Variants in RSPH6A observed in about 807,000 individuals in gnomAD.
RSPH6A encodes radial spoke head 6 homolog A.
In RSPH6A, 49 loss-of-function variants were observed where a neutral mutation model predicts 66.1. That is an observed-to-expected ratio of 0.74 (90% confidence interval 0.59 to 0.94). The LOEUF (loss-of-function observed/expected upper bound fraction) is 0.94. RSPH6A is among the 40% of genes least tolerant of loss of function. The pLI is 0.00. For synonymous variants in RSPH6A, 419 were observed against 402.4 expected (o/e 1.04, Z -0.49); for missense variants, 977 against 948.3 (o/e 1.03, Z -0.40).
Position 45,804,539 on chromosome 19 carries a change from T to G in RSPH6A, c.1366A>C (p.Lys456Gln), listed in dbSNP as rs1054488241. The G allele has an allele frequency of 1.2e-6, 2 of 1,614,072 alleles. No individual in the cohort carries two copies. The highest frequency in any genetic ancestry group is 2.7e-5 in the African/African-American group (2 of 74,934). Residue 456 changes from lysine to glutamine, a missense_variant, in exon 3 of 6, where the codon AAG (lysine) becomes CAG (glutamine). Lys to Gln is a moderately conservative substitution (Grantham distance 53). Transcript: ENST00000221538. This position sits in a 1 kb window ranked among gnomAD's most constrained non-coding sequence, Gnocchi z 5.8. ...PAQIVNARKI[K>Q]KFFTGYLDTP... ...TCCAGGTAGCCTGTGAAGAACTTCTTGATCTTTCGGGCGTTCACGATCTGG... is the reference window on the plus strand; with the variant it reads ...TCCAGGTAGCCTGTGAAGAACTTCTGGATCTTTCGGGCGTTCACGATCTGG...
chr19:45,810,932 G>A (rs956099961), intron 1 of RSPH6A, 92 bp from the exon 2 acceptor site: 39 of 1,008,156 alleles, frequency 3.9e-5, no homozygotes, highest in Non-Finnish European at 5.0e-5. Flanking sequence ...GCCTGGTGCT[G>A]GGGACACAGT....
chr19:45,804,646 C>T lies in RSPH6A; in HGVS notation c.1259G>A (p.Arg420His), dbSNP rs1187445150. The T allele has an allele frequency of 2.5e-6, 4 of 1,614,080 alleles. No homozygotes were observed. Among genetic ancestry groups the T allele is most frequent in the Middle Eastern group, 1.6e-4 (1 of 6,062 alleles). ...GTACAGGTACTTGTTGGCGCCTGAG[C>T]GGCTCTCCTCCTTGGGGATCACGGG... ...PPPVIPKEES[R>H]SGANKYLYFV... Residue 420 changes from arginine to histidine, a missense_variant, in exon 3 of 6, where the codon CGC (arginine) becomes CAC (histidine). Arg to His is a conservative substitution (Grantham distance 29). Coordinates refer to ENST00000221538, the MANE Select transcript of RSPH6A (RefSeq NM_030785.4). The surrounding 1 kb of genome is among the most constrained non-coding windows in gnomAD (Gnocchi z 5.8).
chr19:45,810,291 C>T (rs564836151), intron 2 of RSPH6A, among the ~76,000 whole-genome samples: 60 of 152,096 alleles, frequency 3.9e-4, no homozygotes, highest in African/African-American at 1.4e-3. Context: ...CTGCCTCAGC[C>T]TCCGGAGTAG....
chr19:45,813,243 T>C (rs1161807419), intron 1 of RSPH6A, among the ~76,000 whole-genome samples: 1 of 152,140 alleles, frequency 6.6e-6, no homozygotes, highest in African/African-American at 2.4e-5. Context: ...CAGTGTGCTC[T>C]GCCTGGCTCA....
At chr19:45,810,238 C>T (rs1456799430) in intron 2 of RSPH6A, among the ~76,000 whole-genome samples, 2 of 35,036 alleles carry the variant, frequency 5.7e-5, no homozygotes, top group East Asian at 1.1e-3. Flanking sequence ...GGTGTGATCT[C>T]GGCTCACTGC....
In RSPH6A at chr19:45,804,188, T is replaced by C; in HGVS notation, c.1653+64A>G. On this transcript the variant is annotated intron_variant, in intron 3 of 5. Coordinates refer to ENST00000221538, the MANE Select transcript of RSPH6A (RefSeq NM_030785.4). This position sits in a 1 kb window ranked among gnomAD's most constrained non-coding sequence, Gnocchi z 5.8. Reference sequence around the variant, plus strand: ...GAGAGTAAGAGCTTGATGTCAGTATTGCAGGGTCATGCGTGAGCCCCCTGC... The same window carrying C: ...GAGAGTAAGAGCTTGATGTCAGTATCGCAGGGTCATGCGTGAGCCCCCTGC... 7.7e-7 allele frequency: 1 copy of C among 1,298,314 alleles called. No individual in the cohort carries two copies. The highest frequency in any genetic ancestry group is 1.3e-5 in the South Asian group (1 of 74,710). 80.4% of individuals were successfully genotyped at this position (1,298,314 alleles called of 1,614,324 possible).
chr19:45,813,407 G>C (rs1970653623), intron 1 of RSPH6A, among the ~76,000 whole-genome samples: 1 of 152,182 alleles, frequency 6.6e-6, no homozygotes. Flanking sequence ...GCAGTGGCAC[G>C]ATCTCGGCTC....
At chr19:45,814,457 G>A in intron 1 of RSPH6A, 70 bp downstream of exon 1, 1 of 1,382,452 alleles carries the variant, frequency 7.2e-7, no homozygotes, top group South Asian at 1.6e-5. Context: ...GACTGACTGA[G>A]GCAGGCACTT....
At chr19:45,803,348 C>T (rs898174019) in intron 3 of RSPH6A, among the ~76,000 whole-genome samples, 3 of 151,714 alleles carry the variant, frequency 2.0e-5, no homozygotes, top group Admixed American at 1.3e-4. Flanking sequence ...TCACTGCACG[C>T]CAGCCTGGGC....
chr19:45,797,886 C>T (rs1242395071), intron 5 of RSPH6A, among the ~76,000 whole-genome samples: 1 of 151,688 alleles, frequency 6.6e-6, no homozygotes, highest in African/African-American at 2.4e-5. Flanking sequence ...AAAAAAAAAT[C>T]CCTGGGTTGT....
In RSPH6A at chr19:45,804,647, G is replaced by C. The variant is rs768527879; in HGVS notation, c.1258C>G (p.Arg420Gly). Residue 420 changes from arginine (R) to glycine (G), a missense_variant, in exon 3 of 6, where the codon CGC becomes GGC. Transcript: ENST00000221538. This position sits in a 1 kb window ranked among gnomAD's most constrained non-coding sequence, Gnocchi z 5.8. ...PPPVIPKEES[R>G]SGANKYLYFV... ...TACAGGTACTTGTTGGCGCCTGAGC[G>C]GCTCTCCTCCTTGGGGATCACGGGC... 1.9e-6 allele frequency: 3 copies of C among 1,614,076 alleles called. No homozygotes were observed. Among genetic ancestry groups the C allele is most frequent in the Non-Finnish European group, 1.7e-6 (2 of 1,180,012 alleles).
chr19:45,808,657 C>CTTT (rs60697395), intron 2 of RSPH6A, among the ~76,000 whole-genome samples: 2 of 104,206 alleles, frequency 1.9e-5, no homozygotes, highest in African/African-American at 3.9e-5. Flanking sequence ...CAAAACTTAT[C>CTTT]TTTTTTTTTT....
chr19:45,814,016 G>A (rs557158506), intron 1 of RSPH6A, among the ~76,000 whole-genome samples: 21 of 152,168 alleles, frequency 1.4e-4, no homozygotes, highest in African/African-American at 4.8e-4. Flanking sequence ...AAAATTAGCT[G>A]GGTGAAGTGG....
chr19:45,814,102 T>G (rs1970665538), intron 1 of RSPH6A, among the ~76,000 whole-genome samples: 1 of 151,990 alleles, frequency 6.6e-6, no homozygotes, highest in Non-Finnish European at 1.5e-5. Context: ...GAGGTTGCCC[T>G]AAGCCAAGAC....
intron 2 of RSPH6A, among the ~76,000 whole-genome samples, chr19:45,807,547 G>A (rs1970563008): frequency 6.6e-6 from 1 of 151,868 alleles, no homozygotes; most frequent in Non-Finnish European, 1.5e-5. Context: ...GTCTCGCTCT[G>A]TTGCCCAGGC....
At chr19:45,803,639 T>C (rs1038253145) in intron 3 of RSPH6A, among the ~76,000 whole-genome samples, 40 of 150,250 alleles carry the variant, frequency 2.7e-4, no homozygotes, top group Middle Eastern at 3.4e-3. Context: ...ATCACGCCAT[T>C]GTACTCCAGC....
Position 45,796,119 on chromosome 19 carries a change from T to C in RSPH6A, c.1917-13A>G. ...GTTCTCAAACTTTCTGGAGAAGCAG[T>C]GAGACACTGTGAAATTCTCCCTCAA... On this transcript the variant is annotated splice_polypyrimidine_tract_variant and intron_variant, in intron 5 of 5. Transcript: ENST00000221538. 1 of 1,521,066 alleles carries C rather than the reference T, an allele frequency of 6.6e-7. No homozygotes were observed. Among genetic ancestry groups the C allele is most frequent in the Admixed American group, 2.1e-5 (1 of 47,444 alleles). 94.2% of individuals were successfully genotyped at this position (1,521,066 alleles called of 1,614,324 possible).
chr19:45,795,757 T>C lies in RSPH6A; in HGVS notation c.*112A>G, dbSNP rs1374730533. 4 of 985,556 alleles carry C rather than the reference T, an allele frequency of 4.1e-6. No homozygotes were observed. The highest frequency in any genetic ancestry group is 6.0e-6 in the Non-Finnish European group (4 of 666,060). The allele number at this position is 985,556 out of a possible 1,614,324, so 61.1% of individuals were successfully genotyped here. On this transcript the variant is annotated 3_prime_UTR_variant, in exon 6 of 6. Coordinates refer to ENST00000221538, the MANE Select transcript of RSPH6A (RefSeq NM_030785.4). ...TTGAAGCAGTTGCCTTCCTTTTCTA[T>C]CCCTGCCCTCTGGGGACAGGAAGCA...
intron 5 of RSPH6A, among the ~76,000 whole-genome samples, chr19:45,799,667 T>G (rs1362072740): frequency 3.3e-5 from 5 of 152,120 alleles, no homozygotes; most frequent in African/African-American, 1.2e-4. Context: ...CATGAGCCAG[T>G]GCACCTGGCC....
Sources: gnomAD v4.1 joint callset for allele counts (sites outside exome capture counted in the v4.1 genomes callset) on GRCh38, gnomAD v4.1.1 for gene constraint, Gnocchi (gnomAD v3.1) non-coding constraint, MANE v1.5 for transcripts, NCBI Gene and HGNC (gene_info 2026-07-23, HGNC 2026-07-21) for gene names.